Variants in RYR2 observed in about 807,000 individuals in gnomAD.
RYR2 encodes cardiac muscle ryanodine receptor-calcium release channel.
A neutral mutation model predicts 601.1 loss-of-function variants in RYR2; 227 were observed. That is an observed-to-expected ratio of 0.38 (90% CI 0.34 to 0.42). The LOEUF is 0.42. Among genes scored for constraint, RYR2 ranks in the 10% least tolerant of loss-of-function variants. The pLI is 1.00. For synonymous variants in RYR2, 2,223 were observed against 2,175.1 expected, an observed-to-expected ratio of 1.02 and a Z score of -0.61; for missense variants, 4,646 against 6,156.5, an observed-to-expected ratio of 0.75 and a Z score of 8.21.
At chr1:237,500,537 TA>T (rs1173173066) in intron 20 of RYR2, among the ~76,000 whole-genome samples, 173 bp from the exon 21 acceptor site, 8 of 152,252 alleles carry the variant, frequency 5.3e-5, no homozygotes, top group Admixed American at 3.3e-4. Context: ...ATAATCTTTT[TA>T]TTTTTTTGAC....
At chr1:237,310,598 A>G (rs1694453450) in intron 2 of RYR2, among the ~76,000 whole-genome samples, 1 of 152,098 alleles carries the variant, frequency 6.6e-6, no homozygotes, top group Non-Finnish European at 1.5e-5. Context: ...CCCTTTAAAT[A>G]TTGAAGCCCT....
At chr1:237,558,557 TG>T (rs539404563) in intron 27 of RYR2, among the ~76,000 whole-genome samples, 90 of 152,360 alleles carry the variant, frequency 5.9e-4, no homozygotes, top group Admixed American at 1.5e-3. Context: ...TTTTTGGATT[TG>T]AACAGTTTGA....
At chr1:237,292,785 T>C (rs1692371117) in intron 2 of RYR2, among the ~76,000 whole-genome samples, 1 of 152,150 alleles carries the variant, frequency 6.6e-6, no homozygotes, top group Admixed American at 6.6e-5. Context: ...GGGAAGGTAG[T>C]TAAGCTGATG....
chr1:237,576,510 G>A (rs1433818974), intron 29 of RYR2, among the ~76,000 whole-genome samples: 1 of 152,076 alleles, frequency 6.6e-6, no homozygotes, highest in Admixed American at 6.6e-5. Flanking sequence ...GGAGAAAAGA[G>A]GCCTGTGACA....
At chr1:237,191,453 T>A (rs1287528975) in intron 1 of RYR2, among the ~76,000 whole-genome samples, 1 of 151,698 alleles carries the variant, frequency 6.6e-6, no homozygotes, top group African/African-American at 2.4e-5. Context: ...AAGAATATCA[T>A]TGAAATTTTG....
intron 27 of RYR2, among the ~76,000 whole-genome samples, chr1:237,556,945 C>T (rs1484099215): frequency 1.5e-5 from 2 of 134,294 alleles, no homozygotes; most frequent in African/African-American, 5.6e-5. Context: ...AATTTGTTAT[C>T]TCAAAGTTTC....
intron 1 of RYR2, among the ~76,000 whole-genome samples, chr1:237,212,719 A>G (rs1682723131): frequency 6.6e-6 from 1 of 152,228 alleles, no homozygotes; most frequent in African/African-American, 2.4e-5. Flanking sequence ...ACTAATATGC[A>G]TTCCAACACA....
chr1:237,501,811 T>G (rs1467152513), intron 21 of RYR2, among the ~76,000 whole-genome samples: 1 of 152,210 alleles, frequency 6.6e-6, no homozygotes, highest in Non-Finnish European at 1.5e-5. Flanking sequence ...TTTGCTTTTC[T>G]TTATTTTTTT....
At chr1:237,442,995 C>G (rs1572351574) in intron 13 of RYR2, among the ~76,000 whole-genome samples, 1 of 152,096 alleles carries the variant, frequency 6.6e-6, no homozygotes, top group African/African-American at 2.4e-5. Context: ...TCTACTTTTC[C>G]AACCATGTCT....
intron 6 of RYR2, among the ~76,000 whole-genome samples, chr1:237,372,788 T>G (rs1299920862): frequency 6.6e-6 from 1 of 152,172 alleles, no homozygotes; most frequent in Non-Finnish European, 1.5e-5. Flanking sequence ...GCCTGGGATA[T>G]TTTGCATAAT....
intron 2 of RYR2, among the ~76,000 whole-genome samples, chr1:237,315,531 C>T (rs1695026509): frequency 6.6e-6 from 1 of 151,966 alleles, no homozygotes; most frequent in African/African-American, 2.4e-5. Context: ...TAAGTGTTGT[C>T]CTTTCACAAA....
At chr1:237,485,201 G>A (rs954485466) in intron 17 of RYR2, among the ~76,000 whole-genome samples, 2 of 152,044 alleles carry the variant, frequency 1.3e-5, no homozygotes, top group African/African-American at 4.8e-5. Context: ...CAGATATAAA[G>A]TATTTCAGTT....
chr1:237,464,155 C>T (rs1411909943), intron 16 of RYR2, among the ~76,000 whole-genome samples: 1 of 152,104 alleles, frequency 6.6e-6, no homozygotes, highest in East Asian at 1.9e-4. Context: ...TCCCTCCTCT[C>T]CTTGAAGATT....
At chr1:237,569,380 A>G (rs1672424645) in intron 29 of RYR2, 61 bp downstream of exon 29, 6 of 1,530,642 alleles carry the variant, frequency 3.9e-6, no homozygotes, top group Non-Finnish European at 3.6e-6. Context: ...TTTCATCCTG[A>G]GGCTTCCTAA....
At chr1:237,105,348 A>T (rs1010441350) in intron 1 of RYR2, among the ~76,000 whole-genome samples, 4 of 152,214 alleles carry the variant, frequency 2.6e-5, no homozygotes, top group Non-Finnish European at 4.4e-5. Context: ...CTCTGGGGGA[A>T]AATGAGAGTA....
At position 237,182,393 on chromosome 1, in the gene RYR2, T is replaced by C. The variant is rs373920147; in HGVS notation, c.49-88104T>C. Among the ~76,000 whole-genome samples the C allele has an allele frequency of 9.2e-5, 14 of 152,224 alleles. No individual in the cohort carries two copies. In the East Asian group the frequency reaches 2.5e-3, roughly 27 times the overall value. Reference sequence around the variant, plus strand: ...CCTCGGCCTCCCAAAGTGCTGGGATTACAGGCGTGAGCCACCGCACCCAGC... The same window carrying C: ...CCTCGGCCTCCCAAAGTGCTGGGATCACAGGCGTGAGCCACCGCACCCAGC... On this transcript the variant is annotated intron_variant, in intron 1 of 104. Transcript: ENST00000366574.
At chr1:237,376,333 A>T (rs1159550607) in intron 7 of RYR2, among the ~76,000 whole-genome samples, 2 of 152,120 alleles carry the variant, frequency 1.3e-5, no homozygotes, top group East Asian at 3.9e-4. Context: ...TCACTTATTC[A>T]CTCATGCAAA....
chr1:237,456,395 T>C (rs1658817259), intron 15 of RYR2, among the ~76,000 whole-genome samples: 1 of 152,230 alleles, frequency 6.6e-6, no homozygotes, highest in Non-Finnish European at 1.5e-5. Flanking sequence ...GAATTTAAAA[T>C]CTGCTTGAAC....
At chr1:237,509,929 G>A (rs531591845) in intron 23 of RYR2, among the ~76,000 whole-genome samples, 4 of 152,330 alleles carry the variant, frequency 2.6e-5, no homozygotes, top group East Asian at 1.9e-4. Flanking sequence ...TTTCAGTAGT[G>A]CAGTGTTGCA....
Sources: allele counts gnomAD v4.1 joint callset (sites outside exome capture counted in the v4.1 genomes callset), GRCh38; gene constraint gnomAD v4.1.1; transcripts MANE v1.5; gene names NCBI Gene and HGNC (gene_info 2026-07-23, HGNC 2026-07-21).